The following SLC1A6 variants were observed in gnomAD, a reference collection of about 807,000 sequenced individuals.
SLC1A6 encodes solute carrier family 1 member 6, also known as excitatory amino acid transporter 4.
SLC1A6 carries 15 observed loss-of-function variants against 42.1 expected under a neutral mutation model. The ratio of observed to expected loss-of-function variants is 0.36; its 90% CI spans 0.24 to 0.55. SLC1A6 has a LOEUF of 0.55. SLC1A6 is among the 20% of genes least tolerant of loss of function. The pLI is 0.88. For missense variants in SLC1A6, 542 were observed against 772.5 expected (o/e 0.70, Z 3.54); for synonymous variants, 317 against 319.7 (o/e 0.99, Z 0.09).
chr19:14,975,800 A>C, intron 1 of SLC1A6, among the ~76,000 whole-genome samples: 1 of 144,308 alleles, frequency 6.9e-6, no homozygotes, highest in Non-Finnish European at 1.5e-5. Context: ...AGGGAAGGGA[A>C]CGGAAGGGAA....
chr19:14,986,711 C>T (rs1208047029), intron 1 of SLC1A6, among the ~76,000 whole-genome samples: 3 of 151,758 alleles, frequency 2.0e-5, no homozygotes, highest in Admixed American at 2.0e-4. Flanking sequence ...CCACCTCAGC[C>T]TCTTGAGTAG....
At position 14,956,814 on chromosome 19, in the gene SLC1A6, A is replaced by G. The variant is rs547022965; in HGVS notation, c.936-105T>C. Reference sequence around the variant, plus strand: ...TGCCCATATAGGGCCCTGGAGCCACACAATACCCATGATACGGCACCCTAC... The same window carrying G: ...TGCCCATATAGGGCCCTGGAGCCACGCAATACCCATGATACGGCACCCTAC... On this transcript the variant is annotated intron_variant, in intron 6 of 9. Coordinates refer to ENST00000594383, the MANE Select transcript of SLC1A6 (RefSeq NM_005071.3). The G allele has an allele frequency of 1.1e-4, 75 of 694,050 alleles. 2 individuals are homozygous for G. In the South Asian group the frequency reaches 1.3e-3, roughly 12 times the overall value. 43.0% of individuals were successfully genotyped at this position (694,050 alleles called of 1,614,324 possible).
intron 7 of SLC1A6, among the ~76,000 whole-genome samples, chr19:14,955,434 AAC>A (rs1202933411): frequency 7.5e-5 from 11 of 147,008 alleles, no homozygotes; most frequent in Non-Finnish European, 1.0e-4. Context: ...CAACAACAAC[AAC>A]AAAAAAAACT....
chr19:14,979,032 A>G lies in SLC1A6; in HGVS notation c.-8+277T>C, dbSNP rs1600022310. 7.4e-6 allele frequency among the ~76,000 whole-genome samples: 1 copy of G among 134,526 alleles called. No homozygotes were observed. The highest frequency in any genetic ancestry group is 2.5e-4 in the South Asian group (1 of 4,010). 88.3% of individuals were successfully genotyped at this position (134,526 alleles called of 152,430 possible). On this transcript the variant is annotated intron_variant, in intron 1 of 9. Coordinates refer to ENST00000594383, the MANE Select transcript of SLC1A6 (RefSeq NM_005071.3). This position sits in a 1 kb window ranked among gnomAD's most constrained non-coding sequence, Gnocchi z 4.2. ...GGACGGCGATCCCACTCACAAATTC[A>G]GTCTCTCTCTCTCTCTGTCACACAC...
At position 14,971,761 on chromosome 19, in the gene SLC1A6, G is replaced by C; in HGVS notation, c.319C>G (p.Leu107Val). The C allele has an allele frequency of 6.2e-7, 1 of 1,614,164 alleles. No individual in the cohort carries two copies. Among genetic ancestry groups the C allele is most frequent in the Non-Finnish European group, 8.5e-7 (1 of 1,180,028 alleles). The stretch of plus-strand genomic sequence containing the variant: ...CCTGTGACCAGGCTGGAGACAATGA[G>C]AGGTAACACCAGCATCTGCAGCATC... ...MRMLQMLVLP[L>V]IVSSLVTGMA... The change falls in exon 3 of 10, where the codon CTC becomes GTC. Residue 107 changes from leucine (L) to valine (V), a missense_variant. Coordinates refer to ENST00000594383, the MANE Select transcript of SLC1A6 (RefSeq NM_005071.3).
intron 1 of SLC1A6, among the ~76,000 whole-genome samples, chr19:14,993,499 C>CA (rs2045830800): frequency 6.6e-6 from 1 of 152,126 alleles, no homozygotes; most frequent in Non-Finnish European, 1.5e-5. Flanking sequence ...ATTTCATCAA[C>CA]ATTTATTAAC....
At chr19:15,005,288 G>A (rs2045890818) in intron 1 of SLC1A6, among the ~76,000 whole-genome samples, 1 of 151,344 alleles carries the variant, frequency 6.6e-6, no homozygotes, top group Admixed American at 6.6e-5. Flanking sequence ...GCAGGGCACG[G>A]TGGCGGTCAG....
intron 1 of SLC1A6, among the ~76,000 whole-genome samples, chr19:15,001,124 G>T (rs12975064): frequency 6.6e-6 from 1 of 152,094 alleles, no homozygotes; most frequent in African/African-American, 2.4e-5. Flanking sequence ...ATGTCACTCA[G>T]CGAACAAATA....
chr19:15,009,307 A>G (rs2045913400), intron 1 of SLC1A6, among the ~76,000 whole-genome samples: 2 of 118,966 alleles, frequency 1.7e-5, no homozygotes, highest in Non-Finnish European at 3.6e-5. Context: ...TCTAGATAAC[A>G]TATATATCAC....
chr19:14,995,477 T>C (rs371380596), intron 1 of SLC1A6, among the ~76,000 whole-genome samples: 6 of 151,972 alleles, frequency 3.9e-5, no homozygotes, highest in African/African-American at 9.7e-5. Context: ...CAAATTTCAG[T>C]TAGATAGGAG....
intron 1 of SLC1A6, among the ~76,000 whole-genome samples, chr19:14,990,242 T>A (rs1484637572): frequency 6.6e-6 from 1 of 152,012 alleles, no homozygotes; most frequent in Non-Finnish European, 1.5e-5. Flanking sequence ...GAAAATCCTG[T>A]CATTTATGAC....
At position 14,954,262 on chromosome 19, in the gene SLC1A6, T is replaced by C; in HGVS notation, c.1237A>G (p.Arg413Gly). 6.2e-7 allele frequency: 1 copy of C among 1,613,870 alleles called. No individual in the cohort carries two copies. Among genetic ancestry groups the C allele is most frequent in the Non-Finnish European group, 8.5e-7 (1 of 1,180,030 alleles). ...EGLGVDRRIT[R>G]FVLPVGATVN... Reference sequence around the variant, plus strand: ...GTGGCGCCCACGGGCAGGACGAACCTGGTGATGCGGCGGTCCACACCCAGG... The same window carrying C: ...GTGGCGCCCACGGGCAGGACGAACCCGGTGATGCGGCGGTCCACACCCAGG... The change falls in exon 8 of 10, where the codon AGG becomes GGG. Residue 413 changes from arginine (R) to glycine (G), a missense_variant. Coordinates refer to ENST00000594383, the MANE Select transcript of SLC1A6 (RefSeq NM_005071.3).
At position 14,987,605 on chromosome 19, in the gene SLC1A6, G is replaced by A. The variant is rs144235797; in HGVS notation, c.7-14688C>T. Reference sequence around the variant, plus strand: ...GCGCAGGTGATATTTGAGCAAAGACGCAAAGCAGATAAGGAAGTGAGCAGG... The same window carrying A: ...GCGCAGGTGATATTTGAGCAAAGACACAAAGCAGATAAGGAAGTGAGCAGG... On this transcript the variant is annotated intron_variant, in intron 1 of 8. Coordinates refer to the SLC1A6 transcript ENST00000430939. Among the ~76,000 whole-genome samples, 164 of 152,254 alleles carry A rather than the reference G, an allele frequency of 1.1e-3. 1 individual carries two copies. Among genetic ancestry groups the A allele is most frequent in the African/African-American group, 3.4e-3 (142 of 41,532 alleles).
chr19:14,953,964 T>G (rs1463921520), intron 8 of SLC1A6, among the ~76,000 whole-genome samples, 171 bp downstream of exon 8: 1 of 152,170 alleles, frequency 6.6e-6, no homozygotes, highest in Admixed American at 6.5e-5. Flanking sequence ...GTGGCAACTT[T>G]ACCTTTCACC....
intron 6 of SLC1A6, among the ~76,000 whole-genome samples, chr19:14,960,184 A>T (rs2045497158): frequency 6.6e-6 from 1 of 152,262 alleles, no homozygotes; most frequent in Non-Finnish European, 1.5e-5. Context: ...TAAGCAAATG[A>T]AACAAGTTAG....
intron 4 of SLC1A6, 109 bp from the exon 5 acceptor site, chr19:14,964,470 A>C: frequency 1.2e-6 from 1 of 856,660 alleles, no homozygotes; most frequent in Non-Finnish European, 2.0e-6. Context: ...CAACATATGA[A>C]TGCTTCCTCT....
At chr19:14,958,716 TA>T (rs1401097878) in intron 6 of SLC1A6, among the ~76,000 whole-genome samples, 3 of 152,172 alleles carry the variant, frequency 2.0e-5, no homozygotes, top group African/African-American at 2.4e-5. Flanking sequence ...AGCCCAAGAT[TA>T]ATTGTGCATG....
rs548333018 is a variant in SLC1A6 at position 15,007,471 on chromosome 19, T to C, written c.6+3014A>G. Among the ~76,000 whole-genome samples the C allele has an allele frequency of 5.6e-4, 86 of 152,260 alleles. 1 individual carries two copies. Among genetic ancestry groups the C allele is most frequent in the East Asian group, 1.4e-3 (7 of 5,178 alleles). Reference sequence around the variant, plus strand: ...TTCTAGAATTCGATACAAGTGGTGATTGCACCACACTGTGAAGGTGTTAAT... The same window carrying C: ...TTCTAGAATTCGATACAAGTGGTGACTGCACCACACTGTGAAGGTGTTAAT... On this transcript the variant is annotated intron_variant, in intron 1 of 8. Transcript: ENST00000430939.
intron 1 of SLC1A6, among the ~76,000 whole-genome samples, chr19:14,991,105 G>A (rs753239710): frequency 7.2e-5 from 11 of 152,138 alleles, no homozygotes; most frequent in Admixed American, 3.3e-4. Flanking sequence ...GAGAGAAGCC[G>A]GATACAAAAG....
Sources: allele counts gnomAD v4.1 joint callset (sites outside exome capture counted in the v4.1 genomes callset), GRCh38; gene constraint gnomAD v4.1.1; non-coding constraint Gnocchi (gnomAD v3.1); transcripts MANE v1.5; gene names NCBI Gene and HGNC (gene_info 2026-07-23, HGNC 2026-07-21).